FANCC: variants seen among roughly 807,000 people sequenced by gnomAD.
The protein encoded by FANCC is Fanconi anemia group C protein.
In FANCC, 55 loss-of-function variants were observed where a neutral mutation model predicts 71.3. That is an observed-to-expected ratio of 0.77 (90% CI 0.62 to 0.97). FANCC has a LOEUF of 0.97. Ranked by LOEUF, FANCC falls within the 50% of genes least tolerant of loss-of-function variation. The pLI, the probability that FANCC is intolerant of heterozygous loss-of-function variation, is 0.00. For synonymous variants in FANCC, 275 were observed against 244.9 expected (o/e 1.12, Z -1.15); for missense variants, 678 against 670.9 (o/e 1.01, Z -0.12).
chr9:95,124,981 A>G, intron 10 of FANCC, 105 bp downstream of exon 10: 1 of 958,116 alleles, frequency 1.0e-6, no homozygotes, highest in South Asian at 1.4e-5. Flanking sequence ...TTTGTGAGCA[A>G]AACAGTCCAT....
chr9:95,164,560 T>C (rs1293555594), intron 6 of FANCC, among the ~76,000 whole-genome samples: 3 of 152,312 alleles, frequency 2.0e-5, no homozygotes, highest in African/African-American at 7.2e-5. Context: ...AGATGATCCA[T>C]GTGGTTTTTG....
chr9:95,298,142 A>G (rs1472823678), intron 1 of FANCC, among the ~76,000 whole-genome samples: 1 of 152,156 alleles, frequency 6.6e-6, no homozygotes, highest in Admixed American at 6.5e-5. Flanking sequence ...GTCTAGTCAC[A>G]TGAAGGAATA....
intron 8 of FANCC, chr9:95,126,835 G>A (rs947355081): frequency 1.1e-5 from 5 of 470,934 alleles, no homozygotes; most frequent in Non-Finnish European, 2.0e-5. Flanking sequence ...TTCTATAAAA[G>A]CTCAGGCGAT....
rs1259291409 is a variant in FANCC, at chr9:95,202,380, G to A, written c.346-30233C>T. Among the ~76,000 whole-genome samples the A allele has an allele frequency of 2.0e-5, 3 of 152,112 alleles. No individual in the cohort carries two copies. The East Asian group carries it at 5.8e-4, about 29-fold the overall frequency. On this transcript the variant is annotated intron_variant, in intron 4 of 14. Transcript: ENST00000289081. ...CAGAACTGGGCTTAACAGGGGGCAG[G>A]ACTGCCTCTAGAAAGAGCCAGCTTT...
In FANCC at chr9:95,210,397, TA is replaced by T. The variant is rs547969767; in HGVS notation, c.345+30251del. On this transcript the variant is annotated intron_variant, in intron 4 of 14. Coordinates refer to ENST00000289081, the MANE Select transcript of FANCC (RefSeq NM_000136.3). Reference sequence around the variant, plus strand: ...GCAAGAGAAGTCTCAATTAAAATGGTAAAAAAAAAATTCAGGCTTAATAAAC... The same window carrying T: ...GCAAGAGAAGTCTCAATTAAAATGGTAAAAAAAAATTCAGGCTTAATAAAC... Among the ~76,000 whole-genome samples the T allele has an allele frequency of 6.2e-3, 926 of 149,902 alleles. 5 individuals carry two copies. The highest frequency in any genetic ancestry group is 0.021 in the African/African-American group (862 of 40,986).
chr9:95,109,894 A>C (rs1438062988), intron 13 of FANCC: 3 of 152,264 alleles, frequency 2.0e-5, no homozygotes, highest in Admixed American at 2.0e-4. Flanking sequence ...CACAAAACCC[A>C]GGAAAACAAG....
intron 7 of FANCC, among the ~76,000 whole-genome samples, chr9:95,146,914 A>T (rs1267127427): frequency 2.6e-5 from 4 of 152,104 alleles, no homozygotes; most frequent in Non-Finnish European, 4.4e-5. Flanking sequence ...ATAAGAAGAA[A>T]TAAGTACACT....
In FANCC at chr9:95,276,941, G is replaced by A. The variant is rs1479153850; in HGVS notation, c.-78-27572C>T. Among the ~76,000 whole-genome samples the A allele has an allele frequency of 3.3e-5, 5 of 152,160 alleles. No individual in the cohort carries two copies. The South Asian group carries it at 6.2e-4, about 19-fold the overall frequency. On this transcript the variant is annotated intron_variant, in intron 1 of 14. Transcript: ENST00000289081. Reference sequence around the variant, plus strand: ...CGCAAGCTCTAGTACATTGAATTTGGAAACAAAAAACATCATTCTATTTAT... The same window carrying A: ...CGCAAGCTCTAGTACATTGAATTTGAAAACAAAAAACATCATTCTATTTAT...
Position 95,101,064 on chromosome 9 carries a change from A to G in FANCC, c.*643T>C, listed in dbSNP as rs2071056211. The G allele has an allele frequency of 8.5e-6, 2 of 234,966 alleles. No homozygotes were observed. The highest frequency in any genetic ancestry group is 1.8e-4 in the South Asian group (1 of 5,628). 14.6% of individuals were successfully genotyped at this position (234,966 alleles called of 1,614,324 possible). The stretch of plus-strand genomic sequence containing the variant: ...CGCCTGCCGGCTCCTCTGATGTCCC[A>G]AGGGCCTTTTGGTAGCAGTTAGCAT... On this transcript the variant is annotated 3_prime_UTR_variant, in exon 15 of 15. Coordinates refer to ENST00000289081, the MANE Select transcript of FANCC (RefSeq NM_000136.3).
chr9:95,176,946 A>G (rs1225881307), intron 4 of FANCC, among the ~76,000 whole-genome samples: 1 of 152,228 alleles, frequency 6.6e-6, no homozygotes, highest in Non-Finnish European at 1.5e-5. Flanking sequence ...CCAATACTGT[A>G]TGAGCTCCGT....
At chr9:95,239,576 T>C (rs1349634429) in intron 4 of FANCC, among the ~76,000 whole-genome samples, 2 of 152,170 alleles carry the variant, frequency 1.3e-5, no homozygotes, top group Non-Finnish European at 2.9e-5. Context: ...GGACTAAATA[T>C]GTCATTTTGT....
At position 95,099,305 on chromosome 9, in the gene FANCC, CCT is replaced by C. The variant is rs954432403; in HGVS notation, c.*2400_*2401del. ...GCTAGAGTAAGGTCAGATTCCAGAC[CCT>C]GTCGCACCTCTGAAGACCTTGGTCC... is the stretch of plus-strand genomic sequence containing the variant. On this transcript the variant is annotated 3_prime_UTR_variant, in exon 15 of 15. Transcript: ENST00000289081. 4.5e-5 allele frequency: 10 copies of C among 224,520 alleles called. No homozygotes were observed. Among genetic ancestry groups the C allele is most frequent in the African/African-American group, 2.2e-4 (10 of 44,644 alleles). 13.9% of individuals were successfully genotyped at this position (224,520 alleles called of 1,614,324 possible). A position where few individuals can be genotyped will look rare whatever the true frequency, so the allele number is the denominator to read the frequency against.
In FANCC at chr9:95,114,498, ATGGTGCTCACCTGTT is replaced by A; in HGVS notation, c.1154+116_1154+130del. The A allele has an allele frequency of 3.5e-6, 3 of 858,560 alleles. No homozygotes were observed. The South Asian group carries it at 4.1e-5, about 12-fold the overall frequency. 53.2% of individuals were successfully genotyped at this position (858,560 alleles called of 1,614,324 possible). On this transcript the variant is annotated intron_variant, in intron 12 of 14. Coordinates refer to ENST00000289081, the MANE Select transcript of FANCC (RefSeq NM_000136.3). Reference sequence around the variant, plus strand: ...CGCTTCCTCCACTTCTCACTTCACCATGGTGCTCACCTGTTTGGTGATGGTCCCAGACCAGTAATG... The same window carrying A: ...CGCTTCCTCCACTTCTCACTTCACCATGGTGATGGTCCCAGACCAGTAATG...
chr9:95,237,347 T>G (rs1456400305), intron 4 of FANCC, among the ~76,000 whole-genome samples: 1 of 152,228 alleles, frequency 6.6e-6, no homozygotes, highest in Non-Finnish European at 1.5e-5. Flanking sequence ...ACTGCCAAGT[T>G]TCTTGAAAGA....
chr9:95,122,710 C>T (rs142374839), intron 10 of FANCC, among the ~76,000 whole-genome samples: 25 of 152,298 alleles, frequency 1.6e-4, no homozygotes, highest in African/African-American at 5.5e-4. Context: ...GAAAAAGAGG[C>T]GCGAGCTAAC....
chr9:95,293,759 T>A (rs1188015704), intron 1 of FANCC: 13 of 1,613,908 alleles, frequency 8.1e-6, no homozygotes, highest in Non-Finnish European at 1.0e-5. Flanking sequence ...CATCTATAGC[T>A]GCTCAGACTG....
At chr9:95,223,503 G>C (rs926846923) in intron 4 of FANCC, among the ~76,000 whole-genome samples, 6 of 152,098 alleles carry the variant, frequency 3.9e-5, no homozygotes, top group Non-Finnish European at 8.8e-5. Flanking sequence ...GCAATTCCCT[G>C]TTTCCAAGTA....
intron 1 of FANCC, among the ~76,000 whole-genome samples, chr9:95,296,021 T>C (rs973387344): frequency 5.9e-5 from 9 of 152,120 alleles, no homozygotes; most frequent in African/African-American, 1.9e-4. Context: ...AGGGGGAACT[T>C]TGGGAGGTGA....
At chr9:95,242,640 ATTT>A (rs35840133) in intron 3 of FANCC, among the ~76,000 whole-genome samples, 1 of 151,962 alleles carries the variant, frequency 6.6e-6, no homozygotes, top group Non-Finnish European at 1.5e-5. Context: ...CCAAAATTTT[ATTT>A]TTTGGGAGAA....
Sources: allele counts gnomAD v4.1 joint callset (sites outside exome capture counted in the v4.1 genomes callset), GRCh38; gene constraint gnomAD v4.1.1; transcripts MANE v1.5; gene names NCBI Gene and HGNC (gene_info 2026-07-23, HGNC 2026-07-21).